NSD3: variants seen among roughly 807,000 people sequenced by gnomAD.
The protein encoded by NSD3 is nuclear receptor binding SET domain protein 3, also known as histone-lysine N-methyltransferase NSD3.
Under a neutral mutation model 160.8 loss-of-function variants are expected in NSD3, and 24 were observed. That is an observed-to-expected ratio of 0.15 (90% CI 0.11 to 0.21). The LOEUF (loss-of-function observed/expected upper bound fraction) is 0.21, where lower values mean the gene tolerates loss of function less well. Among genes scored for constraint, NSD3 ranks in the 10% least tolerant of loss-of-function variants. NSD3 has a pLI of 1.00. For missense variants in NSD3, 1,157 were observed against 1,735.9 expected (o/e 0.67, Z 5.93); for synonymous variants, 520 against 600.0 (o/e 0.87, Z 1.95).
intron 1 of NSD3, among the ~76,000 whole-genome samples, chr8:38,362,592 CAA>C (rs762846500): frequency 1.1e-4 from 17 of 152,028 alleles, no homozygotes; most frequent in South Asian, 6.2e-4. Context: ...GTACATCATC[CAA>C]AAGAGTCACG....
chr8:38,368,436 C>A (rs571635548), intron 1 of NSD3, among the ~76,000 whole-genome samples: 2 of 152,176 alleles, frequency 1.3e-5, no homozygotes, highest in South Asian at 4.1e-4. Flanking sequence ...TAGGAAGTAA[C>A]CTGCGTGAAG....
chr8:38,304,136 T>G (rs1809340497), intron 14 of NSD3, among the ~76,000 whole-genome samples: 1 of 152,144 alleles, frequency 6.6e-6, no homozygotes, highest in Non-Finnish European at 1.5e-5. Context: ...ACCAAAACAT[T>G]ATGATAAAAT....
chr8:38,323,033 C>G (rs1452063671), intron 7 of NSD3, among the ~76,000 whole-genome samples: 1 of 152,148 alleles, frequency 6.6e-6, no homozygotes, highest in South Asian at 2.1e-4. Flanking sequence ...GCACCAGTCC[C>G]TAAATTAAGT....
In NSD3 at chr8:38,290,685, CA is replaced by C. The variant is rs1444754086; in HGVS notation, c.2916-9del. 134 of 1,612,556 alleles carry C rather than the reference CA, an allele frequency of 8.3e-5. 1 individual carries two copies. Among genetic ancestry groups the C allele is most frequent in the Non-Finnish European group, 1.1e-4 (128 of 1,179,482 alleles). On this transcript the variant is annotated splice_polypyrimidine_tract_variant and intron_variant, in intron 16 of 23. Coordinates refer to ENST00000317025, the MANE Select transcript of NSD3 (RefSeq NM_023034.2). ...ATCTCTGCTGGCCACCATCTGAAAA[CA>C]AAAGCAATTTTAGATCAAGAGGGCA...
At chr8:38,351,105 G>A (rs1810687869) in intron 1 of NSD3, among the ~76,000 whole-genome samples, 1 of 151,092 alleles carries the variant, frequency 6.6e-6, no homozygotes, top group Non-Finnish European at 1.5e-5. Flanking sequence ...CCGAATAGCT[G>A]GGACTACAGG....
intron 22 of NSD3, among the ~76,000 whole-genome samples, chr8:38,277,111 T>C (rs1808619079): frequency 6.6e-6 from 1 of 151,836 alleles, no homozygotes; most frequent in South Asian, 2.1e-4. Context: ...ATGGCTAATG[T>C]TTTGTATTTT....
intron 14 of NSD3, among the ~76,000 whole-genome samples, chr8:38,300,325 C>T (rs1809250401): frequency 6.6e-6 from 1 of 152,036 alleles, no homozygotes; most frequent in African/African-American, 2.4e-5. Context: ...CCACACCAGG[C>T]TAATTTTTAA....
Position 38,272,720 on chromosome 8 carries a change from G to C in NSD3, c.*2921C>G, listed in dbSNP as rs1808512706. 1 of 152,148 alleles carries C rather than the reference G, an allele frequency of 6.6e-6. No individual in the cohort carries two copies. Among genetic ancestry groups the C allele is most frequent in the African/African-American group, 2.4e-5 (1 of 41,434 alleles). The allele number at this position is 152,148 out of a possible 1,614,324, so 9.4% of individuals were successfully genotyped here. A position where few individuals can be genotyped will look rare whatever the true frequency, so the allele number is the denominator to read the frequency against. Reference sequence around the variant, plus strand: ...TTTAAGTTATTTCATTGTTGGACAAGAATAAAAACCAGCCACTTACACTCT... The same window carrying C: ...TTTAAGTTATTTCATTGTTGGACAACAATAAAAACCAGCCACTTACACTCT... On this transcript the variant is annotated 3_prime_UTR_variant, in exon 24 of 24. Coordinates refer to ENST00000317025, the MANE Select transcript of NSD3 (RefSeq NM_023034.2).
chr8:38,276,470 C>T lies in NSD3; in HGVS notation c.3898G>A (p.Ala1300Thr), dbSNP rs375630970. The T allele has an allele frequency of 2.5e-6, 4 of 1,613,986 alleles. No individual in the cohort carries two copies. In the African/African-American group the frequency reaches 4.0e-5, roughly 16 times the overall value. ...TTCTGTTTTAACTTAGCATTTTTTG[C>T]CTTCTCTTCATTTGTTGACGCACAT... ...SACASTNEEK[A>T]KNAKLKQKRR... The change falls in exon 23 of 24, where the codon GCA (alanine) becomes ACA (threonine). Residue 1300 changes from alanine (A) to threonine (T), a missense_variant. By Grantham distance (58) the Ala-to-Thr change is moderately conservative. Coordinates refer to ENST00000317025, the MANE Select transcript of NSD3 (RefSeq NM_023034.2).
chr8:38,288,646 G>A lies in NSD3; in HGVS notation c.3342C>T (p.Cys1114=), dbSNP rs776752455. The part of the protein sequence containing the change: ...DENPCGLESE[C]LNRMLQYECH... Reference sequence around the variant, plus strand: ...ATTCATACTGCAACATTCTGTTCAGGCACTCCGATTCCAAGCCACAAGGGT... The same window carrying A: ...ATTCATACTGCAACATTCTGTTCAGACACTCCGATTCCAAGCCACAAGGGT... The change falls in exon 19 of 24, where the codon TGC becomes TGT. Residue 1114 remains cysteine (C), a synonymous_variant. Coordinates refer to ENST00000317025, the MANE Select transcript of NSD3 (RefSeq NM_023034.2). The surrounding 1 kb of genome is among the most constrained non-coding windows in gnomAD (Gnocchi z 4.5). 1 of 1,614,182 alleles carries A rather than the reference G, an allele frequency of 6.2e-7. No individual in the cohort carries two copies. The highest frequency in any genetic ancestry group is 8.5e-7 in the Non-Finnish European group (1 of 1,180,032).
In NSD3 at chr8:38,338,594, C is replaced by G. The variant is rs1466859711; in HGVS notation, c.689G>C (p.Arg230Thr). The G allele has an allele frequency of 1.2e-6, 2 of 1,613,610 alleles. No individual in the cohort carries two copies. Among genetic ancestry groups the G allele is most frequent in the East Asian group, 4.5e-5 (2 of 44,838 alleles). ...EPEEQNRPNE[R>T]VDTVSEKPRE... ...TGGTTTTTCTGATACAGTGTCAACC[C>G]TCTCATTTGGTCTCTAGGTGAAAAG... The change falls in exon 3 of 24, where the codon AGG becomes ACG. Residue 230 changes from arginine (R) to threonine (T), a missense_variant. Physicochemically the swap from Arg to Thr is moderately conservative, Grantham distance 71. Coordinates refer to ENST00000317025, the MANE Select transcript of NSD3 (RefSeq NM_023034.2).
At position 38,381,766 on chromosome 8, in the gene NSD3, ACACACACATACACACACG is replaced by A. The variant is rs1271330231; in HGVS notation, c.-45+15_-45+32del. Reference sequence around the variant, plus strand: ...CGCGCGCACACACACACACACACACACACACACATACACACACGCACACGCACTTTACCTTCAGTTTGT... The same window carrying A: ...CGCGCGCACACACACACACACACACACACACGCACTTTACCTTCAGTTTGT... On this transcript the variant is annotated intron_variant, in intron 1 of 23. Coordinates refer to ENST00000317025, the MANE Select transcript of NSD3 (RefSeq NM_023034.2). 6.6e-6 allele frequency: 1 copy of A among 151,340 alleles called. No individual in the cohort carries two copies. Among genetic ancestry groups the A allele is most frequent in the African/African-American group, 2.5e-5 (1 of 39,966 alleles). 9.4% of individuals were successfully genotyped at this position (151,340 alleles called of 1,614,324 possible).
At position 38,319,307 on chromosome 8, in the gene NSD3, G is replaced by A. The variant is rs1420377597; in HGVS notation, c.1810-367C>T. 6 of 193,158 alleles carry A rather than the reference G, an allele frequency of 3.1e-5. No individual in the cohort carries two copies. Among genetic ancestry groups the A allele is most frequent in the Non-Finnish European group, 1.0e-5 (1 of 95,458 alleles). 12.0% of individuals were successfully genotyped at this position (193,158 alleles called of 1,614,324 possible). On this transcript the variant is annotated intron_variant, in intron 8 of 23. Coordinates refer to ENST00000317025, the MANE Select transcript of NSD3 (RefSeq NM_023034.2). This position sits in a 1 kb window ranked among gnomAD's most constrained non-coding sequence, Gnocchi z 4.1. ...TAAAAACCCCTCCCGCCCCAAAGACGTTAGGATAAATTTTTACTTACTATG... is the reference window on the plus strand; with the variant it reads ...TAAAAACCCCTCCCGCCCCAAAGACATTAGGATAAATTTTTACTTACTATG...
At position 38,277,005 on chromosome 8, in the gene NSD3, G is replaced by A. The variant is rs146842463; in HGVS notation, c.3868-505C>T. 2.7e-3 allele frequency among the ~76,000 whole-genome samples: 408 copies of A among 152,132 alleles called. 3 individuals are homozygous for A. In the East Asian group the frequency reaches 0.027, roughly 10 times the overall value. ...TCACTAGGCTGGAGTGCAGTGGGGC[G>A]ATCTCATCTCACTGCAACCTCCACC... is the stretch of plus-strand genomic sequence containing the variant. On this transcript the variant is annotated intron_variant, in intron 22 of 23. Transcript: ENST00000317025.
Position 38,329,700 on chromosome 8 carries a change from C to T in NSD3, c.1259G>A (p.Arg420Gln), listed in dbSNP as rs766932248. 9.9e-6 allele frequency: 16 copies of T among 1,614,204 alleles called. No homozygotes were observed. Among genetic ancestry groups the T allele is most frequent in the Non-Finnish European group, 1.3e-5 (15 of 1,180,042 alleles). ...VASKTEVKKT[R>Q]RPRSVLNTQP... is the part of the protein sequence containing the mutation. ...AGTATTCAGCACAGATCTTGGTCGTCGGGTTTTTTTAACTTCGGTTTTGGA... is the reference window on the plus strand; with the variant it reads ...AGTATTCAGCACAGATCTTGGTCGTTGGGTTTTTTTAACTTCGGTTTTGGA... The change falls in exon 6 of 24, where the codon CGA (arginine) becomes CAA (glutamine). Residue 420 changes from arginine (R) to glutamine (Q), a missense_variant. Physicochemically the swap from Arg to Gln is conservative, Grantham distance 43. Around this residue, in one of 10 missense-constraint regions of NSD3, gnomAD observed 168 missense variants for 208.1 expected, o/e 0.81. Coordinates refer to ENST00000317025, the MANE Select transcript of NSD3 (RefSeq NM_023034.2). This position sits in a 1 kb window ranked among gnomAD's most constrained non-coding sequence, Gnocchi z 4.8.
intron 11 of NSD3, among the ~76,000 whole-genome samples, chr8:38,315,086 A>G (rs1419173370): frequency 1.3e-5 from 2 of 152,340 alleles, no homozygotes; most frequent in South Asian, 4.1e-4. Flanking sequence ...AGTTTTCTTC[A>G]CAGGGCAAAG....
At position 38,310,319 on chromosome 8, in the gene NSD3, A is replaced by G. The variant is rs762538470; in HGVS notation, c.2242+4328T>C. On this transcript the variant is annotated intron_variant, in intron 12 of 23. Transcript: ENST00000317025. ...TACCTGGCTTATTTCACTCAGCATA[A>G]AGTCCTCAAGGTTCATCCATGTTAT... Among the ~76,000 whole-genome samples, 119 of 152,194 alleles carry G rather than the reference A, an allele frequency of 7.8e-4. 2 individuals carry two copies. The highest frequency in any genetic ancestry group is 4.3e-4 in the Non-Finnish European group (29 of 68,030).
rs757244195 is a variant in NSD3, at chr8:38,315,571, G to A, written c.1987-27C>T. On this transcript the variant is annotated intron_variant, in intron 10 of 23. Coordinates refer to ENST00000317025, the MANE Select transcript of NSD3 (RefSeq NM_023034.2). Reference sequence around the variant, plus strand: ...TACATAGAAAACATAGCATTTTTAAGAAAAACAAAATGAAAATTCCCTCCA... The same window carrying A: ...TACATAGAAAACATAGCATTTTTAAAAAAAACAAAATGAAAATTCCCTCCA... 4.3e-6 allele frequency: 7 copies of A among 1,609,244 alleles called. No individual in the cohort carries two copies. In the East Asian group the frequency reaches 1.6e-4, roughly 36 times the overall value.
chr8:38,331,904 A>G (rs1810070635), intron 4 of NSD3, among the ~76,000 whole-genome samples: 1 of 152,252 alleles, frequency 6.6e-6, no homozygotes, highest in Admixed American at 6.5e-5. Flanking sequence ...ATTTTTCATA[A>G]AAATATAATT....
Sources: gnomAD v4.1 joint callset for allele counts (sites outside exome capture counted in the v4.1 genomes callset) on GRCh38, gnomAD v4.1.1 for gene constraint, gnomAD v4.1.1 regional missense constraint, Gnocchi (gnomAD v3.1) non-coding constraint, MANE v1.5 for transcripts, NCBI Gene and HGNC (gene_info 2026-07-23, HGNC 2026-07-21) for gene names.